ANAPC4: variants seen among roughly 807,000 people sequenced by gnomAD.
The protein encoded by ANAPC4 is anaphase promoting complex subunit 4.
Under a neutral mutation model 119.8 loss-of-function variants are expected in ANAPC4, and 63 were observed. The observed-to-expected ratio is 0.53, with a 90% CI of 0.43 to 0.65. The LOEUF (loss-of-function observed/expected upper bound fraction) is 0.65. Ranked by LOEUF, ANAPC4 falls within the 30% of genes least tolerant of loss-of-function variation. ANAPC4 has a pLI of 0.00. For missense variants in ANAPC4, 716 were observed against 945.1 expected, an observed-to-expected ratio of 0.76 and a Z score of 3.18; for synonymous variants, 283 against 318.6, an observed-to-expected ratio of 0.89 and a Z score of 1.19.
chr4:25,414,451 TC>T lies in ANAPC4; in HGVS notation c.1686-12del. 6.2e-7 allele frequency: 1 copy of T among 1,600,052 alleles called. No individual in the cohort carries two copies. The highest frequency in any genetic ancestry group is 8.5e-7 in the Non-Finnish European group (1 of 1,170,704). On this transcript the variant is annotated splice_polypyrimidine_tract_variant and intron_variant, in intron 23 of 28. Transcript: ENST00000315368. The stretch of plus-strand genomic sequence containing the variant: ...AATTTAAATTTTTCTCATTTCTTTT[TC>T]CCTTTTATTTTAGTGAGGATTCTAC...
intron 16 of ANAPC4, among the ~76,000 whole-genome samples, chr4:25,397,352 C>T (rs574391241): frequency 2.9e-4 from 44 of 152,218 alleles, no homozygotes; most frequent in Non-Finnish European, 5.3e-4. Context: ...TCTGGAGTCC[C>T]CTGTTCCAGA....
At position 25,388,684 on chromosome 4, in the gene ANAPC4, G is replaced by T. The variant is rs780008569; in HGVS notation, c.444-33G>T. On this transcript the variant is annotated intron_variant, in intron 5 of 28. Transcript: ENST00000315368. ...TTTAAAATATGTATTTTTACTAAGAGTATTTTTTACCTTAATCTCTGTTTC... is the reference window on the plus strand; with the variant it reads ...TTTAAAATATGTATTTTTACTAAGATTATTTTTTACCTTAATCTCTGTTTC... The T allele has an allele frequency of 6.3e-6, 10 of 1,586,964 alleles. No homozygotes were observed. The African/African-American group carries it at 1.4e-4, about 21-fold the overall frequency.
intron 21 of ANAPC4, chr4:25,412,807 G>C (rs2109144296): frequency 6.6e-6 from 1 of 152,142 alleles, no homozygotes; most frequent in Admixed American, 6.6e-5. Flanking sequence ...AAATTCCAAG[G>C]GTTTTGGAAG....
chr4:25,395,473 T>A (rs1722596647), intron 14 of ANAPC4: 1 of 152,430 alleles, frequency 6.6e-6, no homozygotes, highest in Admixed American at 6.5e-5. Context: ...TTTTTGTTTT[T>A]TCGAGATGGA....
intron 4 of ANAPC4, among the ~76,000 whole-genome samples, chr4:25,384,473 A>C (rs569671387): frequency 6.6e-6 from 1 of 152,266 alleles, no homozygotes; most frequent in South Asian, 2.1e-4. Context: ...CTTTGCCCAG[A>C]TCCATCAGAG....
chr4:25,411,511 C>T (rs1019217094), intron 21 of ANAPC4, among the ~76,000 whole-genome samples: 1 of 152,150 alleles, frequency 6.6e-6, no homozygotes, highest in African/African-American at 2.4e-5. Flanking sequence ...AATACTTGAT[C>T]TGTGTACTTT....
intron 10 of ANAPC4, 46 bp from the exon 11 acceptor site, chr4:25,393,759 G>A (rs1033387133): frequency 4.1e-6 from 5 of 1,214,954 alleles, no homozygotes; most frequent in Non-Finnish European, 5.8e-6. Flanking sequence ...ATAGCAAGTT[G>A]GTTTAAATAT....
In ANAPC4 at chr4:25,413,952, T is replaced by C; in HGVS notation, c.1623+210T>C. 5.9e-6 allele frequency: 3 copies of C among 505,098 alleles called. No homozygotes were observed. The South Asian group carries it at 1.0e-4, about 18-fold the overall frequency. The allele number at this position is 505,098 out of a possible 1,614,324, so 31.3% of individuals were successfully genotyped here. A position where few individuals can be genotyped will look rare whatever the true frequency, so the allele number is the denominator to read the frequency against. Reference sequence around the variant, plus strand: ...ACACGTGTGTGTGTGTGTGTGTGTGTATAAAGATTACTGAAGGTGTTGGCA... The same window carrying C: ...ACACGTGTGTGTGTGTGTGTGTGTGCATAAAGATTACTGAAGGTGTTGGCA... On this transcript the variant is annotated intron_variant, in intron 22 of 28. Coordinates refer to ENST00000315368, the MANE Select transcript of ANAPC4 (RefSeq NM_013367.3).
intron 1 of ANAPC4, 23 bp from the exon 2 acceptor site, chr4:25,377,395 C>T (rs796663160): frequency 6.2e-6 from 10 of 1,611,082 alleles, no homozygotes; most frequent in African/African-American, 5.3e-5. Context: ...TCCTGCCGGC[C>T]TCTGACTGGG....
chr4:25,394,632 A>G (rs774866425), intron 12 of ANAPC4, 39 bp from the exon 13 acceptor site: 24 of 1,558,284 alleles, frequency 1.5e-5, no homozygotes, highest in South Asian at 2.4e-5. Flanking sequence ...CAGATTTCCA[A>G]TAGAGAAGTG....
At chr4:25,410,898 A>G (rs1295545454) in intron 21 of ANAPC4, among the ~76,000 whole-genome samples, 1 of 152,216 alleles carries the variant, frequency 6.6e-6, no homozygotes, top group Non-Finnish European at 1.5e-5. Flanking sequence ...CACATATTCC[A>G]AATTCCAAAA....
chr4:25,414,437 T>G (rs769980835), intron 23 of ANAPC4, 29 bp from the exon 24 acceptor site: 6 of 1,598,518 alleles, frequency 3.8e-6, no homozygotes, highest in Middle Eastern at 1.7e-4. Flanking sequence ...ATTTAAATTT[T>G]TCTCATTTCT....
chr4:25,397,310 G>A (rs1003038979), intron 16 of ANAPC4, among the ~76,000 whole-genome samples: 9 of 151,952 alleles, frequency 5.9e-5, no homozygotes, highest in South Asian at 4.2e-4. Flanking sequence ...GCATCCTTCC[G>A]TCCTTTCCCT....
chr4:25,393,278 T>G (rs10005866), intron 10 of ANAPC4, among the ~76,000 whole-genome samples: 65,694 of 152,046 alleles, frequency 0.43, 15,789 homozygotes, highest in Non-Finnish European at 0.53. Flanking sequence ...TTTAAGAATG[T>G]TTTATTATGA....
chr4:25,392,052 A>G (rs1315642317), intron 9 of ANAPC4, among the ~76,000 whole-genome samples: 2 of 152,188 alleles, frequency 1.3e-5, no homozygotes, highest in African/African-American at 4.8e-5. Context: ...GTTTTTACAT[A>G]TATTTGTGAT....
chr4:25,391,207 A>G (rs1722329273), intron 9 of ANAPC4, among the ~76,000 whole-genome samples, 192 bp downstream of exon 9: 1 of 152,208 alleles, frequency 6.6e-6, no homozygotes, highest in African/African-American at 2.4e-5. Context: ...ATGCTCCAAT[A>G]CAGTTTTCAT....
intron 27 of ANAPC4, chr4:25,417,311 G>C (rs541234452): frequency 5.7e-6 from 1 of 174,198 alleles, no homozygotes; most frequent in South Asian, 1.6e-4. Context: ...TACAGAGATA[G>C]AGTCTTACTA....
At chr4:25,384,252 T>C (rs7661300) in intron 4 of ANAPC4, among the ~76,000 whole-genome samples, 65,758 of 152,066 alleles carry the variant, frequency 0.43, 15,816 homozygotes, top group Non-Finnish European at 0.53. Flanking sequence ...CTTCAGGCTC[T>C]ACTTCTAATT....
intron 8 of ANAPC4, among the ~76,000 whole-genome samples, 168 bp downstream of exon 8, chr4:25,390,388 G>A (rs1004420924): frequency 1.3e-5 from 2 of 151,982 alleles, no homozygotes; most frequent in Non-Finnish European, 2.9e-5. Context: ...ATTGTGATAT[G>A]TCTATAAAGA....
Sources: allele counts gnomAD v4.1 joint callset (sites outside exome capture counted in the v4.1 genomes callset), GRCh38; gene constraint gnomAD v4.1.1; transcripts MANE v1.5; gene names NCBI Gene and HGNC (gene_info 2026-07-23, HGNC 2026-07-21).